The following INTS6 variants were observed in gnomAD, a reference collection of about 807,000 sequenced individuals.
INTS6 encodes integrator complex subunit 6.
In INTS6, 16 loss-of-function variants were observed where a neutral mutation model predicts 104.9. That is an observed-to-expected ratio of 0.15 (90% CI 0.10 to 0.23). The LOEUF is 0.23. Among genes scored for constraint, INTS6 ranks in the 10% least tolerant of loss-of-function variants. The probability of loss-of-function intolerance (pLI) is 1.00; values close to 1 mark genes in which losing one functional copy is unlikely to be tolerated. For synonymous variants in INTS6, 324 were observed against 358.7 expected (o/e 0.90, Z 1.09); for missense variants, 584 against 1,062.8 (o/e 0.55, Z 6.26).
At chr13:51,351,772 C>G (rs1228886491), downstream of INTS6, among the ~76,000 whole-genome samples, 1 of 152,008 alleles carries the variant, frequency 6.6e-6, no homozygotes, top group Non-Finnish European at 1.5e-5. Context: ...ATAGGCTTAG[C>G]TCTTACATTT....
At chr13:51,381,181 A>G (rs1487771763) in intron 10 of INTS6, among the ~76,000 whole-genome samples, 1 of 152,174 alleles carries the variant, frequency 6.6e-6, no homozygotes, top group Non-Finnish European at 1.5e-5. Context: ...ATGCCATTTT[A>G]TATGAGGGAC....
At chr13:51,410,034 T>C (rs1037770332) in intron 4 of INTS6, among the ~76,000 whole-genome samples, 1 of 152,110 alleles carries the variant, frequency 6.6e-6, no homozygotes, top group Non-Finnish European at 1.5e-5. Flanking sequence ...ATACCCAACA[T>C]ATGTATAAAC....
intron 4 of INTS6, among the ~76,000 whole-genome samples, chr13:51,398,432 A>G (rs540728802): frequency 6.6e-6 from 1 of 152,274 alleles, no homozygotes; most frequent in South Asian, 2.1e-4. Context: ...AAGGAAATCC[A>G]TATGACCTAT....
At chr13:51,384,403 C>G (rs1202574999) in intron 7 of INTS6, 1 of 283,854 alleles carries the variant, frequency 3.5e-6, no homozygotes, top group Admixed American at 4.7e-5. Context: ...AAAAATCTCA[C>G]AAATTGTGAA....
rs117953235 is a variant in INTS6, at chr13:51,421,505, C to A, written c.429+8789G>T. 2.4e-3 allele frequency: 381 copies of A among 155,630 alleles called. 2 individuals carry two copies. The highest frequency in any genetic ancestry group is 0.017 in the South Asian group (85 of 4,894). 9.6% of individuals were successfully genotyped at this position (155,630 alleles called of 1,614,324 possible). On this transcript the variant is annotated intron_variant, in intron 4 of 17. Transcript: ENST00000311234. ...CCCATAGTTTCAATGTCTTTCTAGT[C>A]ACTGCACTAAGGTTATTCCTAATAT... is the stretch of plus-strand genomic sequence containing the variant.
the INTS6 span, among the ~76,000 whole-genome samples, chr13:51,343,453 T>C: frequency 6.6e-6 from 1 of 152,072 alleles, no homozygotes; most frequent in African/African-American, 2.4e-5. Flanking sequence ...AATAATAACA[T>C]GAAAACAAAA....
At chr13:51,348,520 A>G in the INTS6 span, 4 of 839,478 alleles carry the variant, frequency 4.8e-6, no homozygotes, top group South Asian at 6.8e-5. Context: ...CACTGGGATG[A>G]CTTGTTTAAT....
intron 5 of INTS6, among the ~76,000 whole-genome samples, chr13:51,394,206 TAAAAAAAA>T (rs1956294335): frequency 6.6e-6 from 1 of 151,930 alleles, no homozygotes; most frequent in Non-Finnish European, 1.5e-5. Flanking sequence ...AGGTTATCCC[TAAAAAAAA>T]TTACATATAT....
intron 4 of INTS6, among the ~76,000 whole-genome samples, chr13:51,424,837 C>T (rs1232585356): frequency 2.0e-5 from 3 of 152,022 alleles, no homozygotes; most frequent in African/African-American, 4.8e-5. Context: ...TATTTTCTAT[C>T]ACACCACTGT....
intron 3 of INTS6, among the ~76,000 whole-genome samples, chr13:51,430,642 T>C (rs1474139788): frequency 6.6e-6 from 1 of 152,202 alleles, no homozygotes; most frequent in Non-Finnish European, 1.5e-5. Context: ...GCTTTCATTT[T>C]TAGAGGGAGT....
At chr13:51,430,081 G>T (rs1020069438) in intron 4 of INTS6, among the ~76,000 whole-genome samples, 1 of 151,890 alleles carries the variant, frequency 6.6e-6, no homozygotes, top group African/African-American at 2.4e-5. Context: ...TACAAATGAG[G>T]TGTGGGTATG....
intron 3 of INTS6, chr13:51,448,071 C>CAT (rs1952959186): frequency 6.6e-6 from 1 of 152,062 alleles, no homozygotes; most frequent in Non-Finnish European, 1.5e-5. Flanking sequence ...AAAAAATATA[C>CAT]ATATATATTG....
intron 3 of INTS6, chr13:51,355,004 G>A: frequency 9.6e-7 from 1 of 1,037,468 alleles, no homozygotes; most frequent in Non-Finnish European, 1.5e-6. Flanking sequence ...TATATTGAGT[G>A]AGAATTTTGA....
chr13:51,375,766 TGCGCGC>T (rs1555283864), intron 13 of INTS6, among the ~76,000 whole-genome samples: 1 of 147,312 alleles, frequency 6.8e-6, no homozygotes, highest in East Asian at 2.0e-4. Context: ...TGTGTGTGTG[TGCGCGC>T]GCGTGCGCGC....
At chr13:51,426,708 A>G (rs985237236) in intron 4 of INTS6, among the ~76,000 whole-genome samples, 2 of 152,120 alleles carry the variant, frequency 1.3e-5, no homozygotes, top group East Asian at 1.9e-4. Context: ...TGCTCTGGTC[A>G]TAATAGTTTT....
intron 4 of INTS6, among the ~76,000 whole-genome samples, chr13:51,429,785 A>AAAAAAAAAATAT (rs1156333077): frequency 1.5e-4 from 14 of 92,370 alleles, no homozygotes; most frequent in African/African-American, 6.4e-4. Flanking sequence ...AAAAAAAAAA[A>AAAAAAAAAATAT]ATATATATAT....
chr13:51,386,354 G>C (rs916801374), intron 7 of INTS6, among the ~76,000 whole-genome samples: 1 of 152,122 alleles, frequency 6.6e-6, no homozygotes, highest in Admixed American at 6.5e-5. Flanking sequence ...TACGGTATCT[G>C]TTCTGTAAGA....
intron 2 of INTS6, chr13:51,451,720 G>GTGC: frequency 5.2e-6 from 1 of 193,600 alleles, no homozygotes; most frequent in Non-Finnish European, 1.0e-5. Flanking sequence ...GTTGATAGCA[G>GTGC]CGCCGCCGCC....
intron 15 of INTS6, among the ~76,000 whole-genome samples, chr13:51,373,017 C>A (rs1395398834): frequency 6.6e-6 from 1 of 152,202 alleles, no homozygotes; most frequent in East Asian, 1.9e-4. Flanking sequence ...TCTGTAAAAT[C>A]CTTCCGTACC....
Sources: gnomAD v4.1 joint callset for allele counts (sites outside exome capture counted in the v4.1 genomes callset) on GRCh38, gnomAD v4.1.1 for gene constraint, MANE v1.5 for transcripts, NCBI Gene and HGNC (gene_info 2026-07-23, HGNC 2026-07-21) for gene names.